PACRGL: variants seen among roughly 807,000 people sequenced by gnomAD.
PACRGL encodes the protein parkin coregulated like.
In PACRGL, 38 loss-of-function variants were observed where a neutral mutation model predicts 34.5. That is an observed-to-expected ratio of 1.10 (90% CI 0.85 to 1.44). The LOEUF (loss-of-function observed/expected upper bound fraction) is 1.44, where lower values mean the gene tolerates loss of function less well. Among genes scored for constraint, PACRGL ranks in the 40% most tolerant of loss-of-function variants. PACRGL has a pLI of 0.00. For missense variants in PACRGL, 305 were observed against 281.4 expected (o/e 1.08, Z -0.60); for synonymous variants, 128 against 100.1 (o/e 1.28, Z -1.66).
chr4:20,729,915 C>G lies in PACRGL; in HGVS notation c.*2574C>G, dbSNP rs1444744798. Reference sequence around the variant, plus strand: ...TTATGAAAAGGATGCAAATTTATAACTGAAAGCTCAAATCTTTTGGGGATT... The same window carrying G: ...TTATGAAAAGGATGCAAATTTATAAGTGAAAGCTCAAATCTTTTGGGGATT... On this transcript the variant is annotated 3_prime_UTR_variant, in exon 9 of 9. Transcript: ENST00000503585. 1.4e-6 allele frequency: 1 copy of G among 710,358 alleles called. No individual in the cohort carries two copies. Among genetic ancestry groups the G allele is most frequent in the Non-Finnish European group, 2.1e-6 (1 of 479,288 alleles). 44.0% of individuals were successfully genotyped at this position (710,358 alleles called of 1,614,324 possible). A position where few individuals can be genotyped will look rare whatever the true frequency, so the allele number is the denominator to read the frequency against.
Position 20,732,311 on chromosome 4 carries a change from A to G in PACRGL, c.*4970A>G, listed in dbSNP as rs1748505805. On this transcript the variant is annotated 3_prime_UTR_variant, in exon 9 of 9. Transcript: ENST00000503585. ...GTAGAGTCACTCTGTCCTAGGTAAA[A>G]TCCCACCTTCTAGATGTGACAGAGC... Among the ~76,000 whole-genome samples the G allele has an allele frequency of 6.6e-6, 1 of 152,148 alleles. No individual in the cohort carries two copies. The highest frequency in any genetic ancestry group is 2.4e-5 in the African/African-American group (1 of 41,434).
At chr4:20,748,102 C>G (rs1022093818) in intron 8 of PACRGL, among the ~76,000 whole-genome samples, 4 of 152,086 alleles carry the variant, frequency 2.6e-5, no homozygotes, top group African/African-American at 9.7e-5. Context: ...GAATATAGCT[C>G]TGATAAATTC....
chr4:20,749,875 C>G (rs1345984750), intron 8 of PACRGL: 1 of 540,638 alleles, frequency 1.8e-6, no homozygotes, highest in African/African-American at 1.9e-5. Context: ...TGCTTACCCT[C>G]TTTCTGTAGA....
At position 20,704,493 on chromosome 4, in the gene PACRGL, A is replaced by G. The variant is rs1302938405; in HGVS notation, c.12A>G (p.Ser4=). The change falls in exon 2 of 9, where the codon TCA becomes TCG. Residue 4 remains serine (S), a synonymous_variant. Coordinates refer to ENST00000503585, the MANE Select transcript of PACRGL (RefSeq NM_001258345.3). MQK[S]EGSGGTQLKN... is the part of the protein sequence containing the mutation. ...GTGAAAGGGAAGCAATGCAGAAATCAGAGGGCTCTGGAGGTACACAGTTGA... is the reference window on the plus strand; with the variant it reads ...GTGAAAGGGAAGCAATGCAGAAATCGGAGGGCTCTGGAGGTACACAGTTGA... 1.9e-6 allele frequency: 3 copies of G among 1,613,882 alleles called. No individual in the cohort carries two copies. Among genetic ancestry groups the G allele is most frequent in the East Asian group, 4.5e-5 (2 of 44,876 alleles).
chr4:20,732,446 G>A lies in PACRGL; in HGVS notation c.*5105G>A, dbSNP rs1482290927. Among the ~76,000 whole-genome samples the A allele has an allele frequency of 6.6e-6, 1 of 152,160 alleles. No homozygotes were observed. Among genetic ancestry groups the A allele is most frequent in the African/African-American group, 2.4e-5 (1 of 41,434 alleles). ...AAAACTGAATGAAAACAAAACTTGTGAAACATGAGAACTGTTTAGTGTTGT... is the reference window on the plus strand; with the variant it reads ...AAAACTGAATGAAAACAAAACTTGTAAAACATGAGAACTGTTTAGTGTTGT... On this transcript the variant is annotated 3_prime_UTR_variant, in exon 9 of 9. Coordinates refer to ENST00000503585, the MANE Select transcript of PACRGL (RefSeq NM_001258345.3).
chr4:20,760,066 A>C, the PACRGL span, among the ~76,000 whole-genome samples: 1 of 152,268 alleles, frequency 6.6e-6, no homozygotes, highest in African/African-American at 2.4e-5. Context: ...ATATTTATTG[A>C]CAAAAATCCA....
chr4:20,709,070 C>T (rs868518092), intron 4 of PACRGL, among the ~76,000 whole-genome samples: 3 of 151,944 alleles, frequency 2.0e-5, no homozygotes, highest in Non-Finnish European at 2.9e-5. Flanking sequence ...ACCTGGGAGG[C>T]GGAGGTTGCG....
chr4:20,724,227 T>C (rs768575963), intron 7 of PACRGL, among the ~76,000 whole-genome samples: 1 of 152,166 alleles, frequency 6.6e-6, no homozygotes, highest in Non-Finnish European at 1.5e-5. Flanking sequence ...TCTGGTTAAG[T>C]ATGGCGTGAG....
At chr4:20,745,914 T>C (rs1291685697) in intron 8 of PACRGL, among the ~76,000 whole-genome samples, 1 of 152,164 alleles carries the variant, frequency 6.6e-6, no homozygotes, top group Admixed American at 6.6e-5. Flanking sequence ...CTGGCTTTGT[T>C]AGAAAAATTC....
At chr4:20,740,854 C>T (rs928722343) in intron 8 of PACRGL, among the ~76,000 whole-genome samples, 4 of 151,056 alleles carry the variant, frequency 2.6e-5, no homozygotes, top group African/African-American at 9.7e-5. Context: ...AACATAGGCT[C>T]AAAATAAAGG....
chr4:20,733,940 C>T (rs1195623631), downstream of PACRGL, among the ~76,000 whole-genome samples: 1 of 152,096 alleles, frequency 6.6e-6, no homozygotes. Flanking sequence ...TGGCCCTGGG[C>T]ACCTTTTGTC....
At chr4:20,715,071 A>G (rs1739198288) in intron 7 of PACRGL, among the ~76,000 whole-genome samples, 2 of 152,240 alleles carry the variant, frequency 1.3e-5, no homozygotes, top group South Asian at 4.1e-4. Flanking sequence ...TGGTACATAC[A>G]CACCATGGAA....
chr4:20,743,139 C>G (rs1177669449), intron 8 of PACRGL, among the ~76,000 whole-genome samples: 1 of 151,846 alleles, frequency 6.6e-6, no homozygotes, highest in Non-Finnish European at 1.5e-5. Context: ...AATGGAAGAA[C>G]ATTCCATGTT....
At chr4:20,713,571 CTGTA>C in intron 7 of PACRGL, 32 bp downstream of exon 7, 1 of 1,504,154 alleles carries the variant, frequency 6.6e-7, no homozygotes, top group Non-Finnish European at 9.2e-7. Flanking sequence ...TAATGATTGA[CTGTA>C]TGTATCATGC....
rs1747036436 is a variant in PACRGL at position 20,729,137 on chromosome 4, A to C, written c.*1796A>C. ...TTTCTTTGTCCCTGAATGGCTTGTA[A>C]TATAAATAAACATGCTGTAAGGAAG... is the stretch of plus-strand genomic sequence containing the variant. On this transcript the variant is annotated 3_prime_UTR_variant, in exon 9 of 9. Coordinates refer to ENST00000503585, the MANE Select transcript of PACRGL (RefSeq NM_001258345.3). 6.6e-6 allele frequency: 1 copy of C among 152,616 alleles called. No individual in the cohort carries two copies. Among genetic ancestry groups the C allele is most frequent in the African/African-American group, 2.4e-5 (1 of 41,444 alleles). The allele number at this position is 152,616 out of a possible 1,614,324, so 9.5% of individuals were successfully genotyped here. A position where few individuals can be genotyped will look rare whatever the true frequency, so the allele number is the denominator to read the frequency against.
At chr4:20,703,625 A>G (rs1733277771) in intron 1 of PACRGL, among the ~76,000 whole-genome samples, 1 of 152,104 alleles carries the variant, frequency 6.6e-6, no homozygotes, top group Non-Finnish European at 1.5e-5. Flanking sequence ...CAACTGTGTA[A>G]GGGAAAAGTG....
At chr4:20,709,834 C>A in intron 5 of PACRGL, 61 bp downstream of exon 5, 1 of 1,376,396 alleles carries the variant, frequency 7.3e-7, no homozygotes. Flanking sequence ...GCATTAAATG[C>A]TACTTTGTAG....
the PACRGL span, among the ~76,000 whole-genome samples, chr4:20,760,315 T>C: frequency 6.6e-6 from 1 of 152,156 alleles, no homozygotes; most frequent in Admixed American, 6.6e-5. Flanking sequence ...CAGACCTGAC[T>C]TTAGACATGA....
At chr4:20,761,714 A>G in the PACRGL span, among the ~76,000 whole-genome samples, 1 of 152,178 alleles carries the variant, frequency 6.6e-6, no homozygotes, top group Non-Finnish European at 1.5e-5. Context: ...GATATATTTG[A>G]TAGATATAAT....
Sources: gnomAD v4.1 joint callset for allele counts (sites outside exome capture counted in the v4.1 genomes callset) on GRCh38, gnomAD v4.1.1 for gene constraint, MANE v1.5 for transcripts, NCBI Gene and HGNC (gene_info 2026-07-23, HGNC 2026-07-21) for gene names.